The following MRE11 variants were observed in gnomAD, a reference collection of about 807,000 sequenced individuals.
MRE11 encodes the protein double-strand break repair protein MRE11.
MRE11 carries 62 observed loss-of-function variants against 91.7 expected under a neutral mutation model. The observed-to-expected ratio is 0.68, with a 90% CI of 0.55 to 0.84. The LOEUF is 0.84. Ranked by LOEUF, MRE11 falls within the 40% of genes least tolerant of loss-of-function variation. MRE11 has a pLI of 0.00. For synonymous variants in MRE11, 273 were observed against 271.4 expected (o/e 1.01, Z -0.06); for missense variants, 796 against 852.9 (o/e 0.93, Z 0.83).
At chr11:94,421,322 A>G (rs1435217111) in intron 19 of MRE11, among the ~76,000 whole-genome samples, 1 of 152,236 alleles carries the variant, frequency 6.6e-6, no homozygotes, top group African/African-American at 2.4e-5. Flanking sequence ...CAGCACTTCC[A>G]AATGTTAGCT....
chr11:94,435,761 G>A lies in MRE11; in HGVS notation c.1994+71C>T. ...AAACTTACATGGCATAGAAAAATGT[G>A]TAACTTTGGAATTCTGGATAATTTT... is the stretch of plus-strand genomic sequence containing the variant. On this transcript the variant is annotated intron_variant, in intron 18 of 19. Transcript: ENST00000323929. 2.3e-6 allele frequency: 3 copies of A among 1,321,188 alleles called. No individual in the cohort carries two copies. In the Admixed American group the frequency reaches 5.1e-5, roughly 22 times the overall value. 81.8% of individuals were successfully genotyped at this position (1,321,188 alleles called of 1,614,324 possible).
chr11:94,456,159 A>T, intron 14 of MRE11, 117 bp downstream of exon 14: 1 of 908,110 alleles, frequency 1.1e-6, no homozygotes, highest in Non-Finnish European at 1.7e-6. Flanking sequence ...TCCTAAGCCA[A>T]CCCCAGCTCA....
intron 7 of MRE11, chr11:94,475,370 C>A: frequency 3.3e-6 from 1 of 302,330 alleles, no homozygotes; most frequent in Admixed American, 4.2e-5. Flanking sequence ...CCATTTTATT[C>A]AAGGGATTTC....
At chr11:94,482,816 T>C (rs1410914949) in intron 4 of MRE11, among the ~76,000 whole-genome samples, 5 of 152,136 alleles carry the variant, frequency 3.3e-5, no homozygotes, top group African/African-American at 9.7e-5. Context: ...TGCACACTTG[T>C]AGTCCCAGCT....
At chr11:94,447,094 AAT>A in intron 15 of MRE11, 123 bp downstream of exon 15, 1 of 1,030,826 alleles carries the variant, frequency 9.7e-7, no homozygotes, top group Middle Eastern at 3.1e-4. Flanking sequence ...ATATTATAAA[AAT>A]AGATTTTTAA....
intron 6 of MRE11, among the ~76,000 whole-genome samples, chr11:94,477,620 G>A (rs535899506): frequency 1.3e-5 from 2 of 152,310 alleles, no homozygotes; most frequent in East Asian, 1.9e-4. Context: ...CATGGCTGAG[G>A]TGGAATGTAG....
intron 7 of MRE11, among the ~76,000 whole-genome samples, chr11:94,473,726 A>C (rs539819381): frequency 6.6e-6 from 1 of 152,296 alleles, no homozygotes; most frequent in East Asian, 1.9e-4. Context: ...GAAAGGCTAA[A>C]GACTAAAATA....
At chr11:94,431,314 T>C (rs1334887503) in intron 18 of MRE11, among the ~76,000 whole-genome samples, 3 of 152,176 alleles carry the variant, frequency 2.0e-5, no homozygotes, top group African/African-American at 4.8e-5. Flanking sequence ...CAAGGTCCAC[T>C]CTGGTAAGTG....
intron 8 of MRE11, among the ~76,000 whole-genome samples, 163 bp downstream of exon 8, chr11:94,471,411 C>A (rs1405285682): frequency 6.6e-6 from 1 of 151,896 alleles, no homozygotes; most frequent in Non-Finnish European, 1.5e-5. Flanking sequence ...TCTGGAAAAA[C>A]AATAAGACTA....
chr11:94,440,430 TAA>T (rs34587826), intron 16 of MRE11, among the ~76,000 whole-genome samples: 2 of 145,570 alleles, frequency 1.4e-5, no homozygotes. Context: ...CTCAAACATT[TAA>T]AAAAAAAAAA....
chr11:94,445,630 TTACCC>T, intron 16 of MRE11, 175 bp downstream of exon 16: 1 of 591,732 alleles, frequency 1.7e-6, no homozygotes, highest in Non-Finnish European at 3.0e-6. Flanking sequence ...TTTTAAAAGC[TTACCC>T]TCTTCAGTAA....
intron 18 of MRE11, among the ~76,000 whole-genome samples, chr11:94,434,271 C>A (rs1458152264): frequency 6.6e-6 from 1 of 152,124 alleles, no homozygotes; most frequent in East Asian, 1.9e-4. Context: ...CTTGCTCTAA[C>A]ATTAACCTTT....
intron 15 of MRE11, 72 bp from the exon 16 acceptor site, chr11:94,445,965 A>G (rs1945918666): frequency 9.4e-6 from 10 of 1,058,530 alleles, no homozygotes; most frequent in Non-Finnish European, 1.5e-5. Flanking sequence ...ACACTAAAAA[A>G]TGAAAGCTAA....
chr11:94,504,017 A>G, the MRE11 span, among the ~76,000 whole-genome samples: 2 of 152,194 alleles, frequency 1.3e-5, no homozygotes, highest in Middle Eastern at 3.2e-3. Context: ...TGGTGCTGGA[A>G]CAACTGAATA....
chr11:94,419,459 G>GGGGGGAGAGAGA lies in MRE11; in HGVS notation c.*665_*666insTCTCTCTCCCCC, dbSNP rs1253158974. On this transcript the variant is annotated 3_prime_UTR_variant, in exon 20 of 20. Transcript: ENST00000323929. The stretch of plus-strand genomic sequence containing the variant: ...AGAAAGGAAGAGTGGGGAACGGGGG[G>GGGGGGAGAGAGA]GAGAGGGAGAGAGAGAGAGAGAGAG... 5.4e-6 allele frequency: 1 copy of GGGGGGAGAGAGA among 183,512 alleles called. No individual in the cohort carries two copies. The highest frequency in any genetic ancestry group is 3.0e-5 in the African/African-American group (1 of 33,426). The allele number at this position is 183,512 out of a possible 1,614,324, so 11.4% of individuals were successfully genotyped here. A position where few individuals can be genotyped will look rare whatever the true frequency, so the allele number is the denominator to read the frequency against.
At chr11:94,430,045 C>T in intron 18 of MRE11, 59 bp from the exon 19 acceptor site, 1 of 1,558,702 alleles carries the variant, frequency 6.4e-7, no homozygotes, top group East Asian at 2.2e-5. Flanking sequence ...TCAAGTGTGC[C>T]TTTCTGGCTA....
At chr11:94,449,437 T>C (rs948932523) in intron 14 of MRE11, among the ~76,000 whole-genome samples, 2 of 152,250 alleles carry the variant, frequency 1.3e-5, no homozygotes, top group Non-Finnish European at 2.9e-5. Context: ...AATTTCTCTG[T>C]AACCCTAAAA....
chr11:94,439,519 G>T (rs1026317198), intron 16 of MRE11, among the ~76,000 whole-genome samples: 1 of 152,020 alleles, frequency 6.6e-6, no homozygotes, highest in Admixed American at 6.6e-5. Flanking sequence ...ATCATCTGTC[G>T]CATTTTTACC....
At chr11:94,467,305 C>G (rs1287186758) in intron 10 of MRE11, among the ~76,000 whole-genome samples, 2 of 151,872 alleles carry the variant, frequency 1.3e-5, no homozygotes, top group East Asian at 3.9e-4. Context: ...TAATAATAAC[C>G]AAAACAAATA....
Sources: allele counts gnomAD v4.1 joint callset (sites outside exome capture counted in the v4.1 genomes callset), GRCh38; gene constraint gnomAD v4.1.1; transcripts MANE v1.5; gene names NCBI Gene and HGNC (gene_info 2026-07-23, HGNC 2026-07-21).